The following XPO4 variants were observed in gnomAD, a reference collection of about 807,000 sequenced individuals.
The protein encoded by XPO4 is exportin-4.
In XPO4, 39 loss-of-function variants were observed where a neutral mutation model predicts 143.0. The observed-to-expected ratio is 0.27, with a 90% CI of 0.21 to 0.36. XPO4 has a LOEUF of 0.36. Ranked by LOEUF, XPO4 falls within the 10% of genes least tolerant of loss-of-function variation. The pLI is 1.00. For synonymous variants in XPO4, 439 were observed against 474.0 expected (o/e 0.93, Z 0.96); for missense variants, 907 against 1,348.0 (o/e 0.67, Z 5.12).
rs944138477 is a variant in XPO4, at chr13:20,804,458, T to C, written c.1817+2999A>G. Among the ~76,000 whole-genome samples, 19 of 135,406 alleles carry C rather than the reference T, an allele frequency of 1.4e-4. No homozygotes were observed. The East Asian group carries it at 2.9e-3, about 21-fold the overall frequency. The allele number at this position is 135,406 out of a possible 152,430, so 88.8% of individuals were successfully genotyped here. On this transcript the variant is annotated intron_variant, in intron 13 of 22. Coordinates refer to ENST00000255305, the MANE Select transcript of XPO4 (RefSeq NM_022459.5). ...AGATCCAAGAACCCTCAGGGACCCC[T>C]TTCCTATAACATTGCTGCTTATGCT... is the stretch of plus-strand genomic sequence containing the variant.
chr13:20,814,944 A>G (rs1237478539), intron 9 of XPO4, among the ~76,000 whole-genome samples: 1 of 152,260 alleles, frequency 6.6e-6, no homozygotes, highest in Non-Finnish European at 1.5e-5. Context: ...TGTTGAATAC[A>G]TAATTCCAAA....
rs2060072507 is a variant in XPO4 at position 20,850,415 on chromosome 13, T to C, written c.456+5212A>G. ...AAGTGTGAATCCAAAATCAGTGTTC[T>C]ATTATACTACACTGCCCCTAAACCT... On this transcript the variant is annotated intron_variant, in intron 4 of 22. Transcript: ENST00000255305. The C allele has an allele frequency of 3.9e-5, 11 of 279,138 alleles. No individual in the cohort carries two copies. The South Asian group carries it at 1.5e-3, about 39-fold the overall frequency. The allele number at this position is 279,138 out of a possible 1,614,324, so 17.3% of individuals were successfully genotyped here.
chr13:20,893,910 C>T (rs1384187474), intron 1 of XPO4, among the ~76,000 whole-genome samples: 1 of 152,174 alleles, frequency 6.6e-6, no homozygotes, highest in Non-Finnish European at 1.5e-5. Context: ...ATGGCATGAT[C>T]TTGGCTCACT....
intron 7 of XPO4, among the ~76,000 whole-genome samples, chr13:20,824,952 T>C (rs549881219): frequency 6.6e-6 from 1 of 152,172 alleles, no homozygotes; most frequent in Non-Finnish European, 1.5e-5. Flanking sequence ...CTGTGCTGAA[T>C]ATAGATGTAG....
chr13:20,824,979 G>A (rs143108235), intron 7 of XPO4, among the ~76,000 whole-genome samples: 58 of 152,284 alleles, frequency 3.8e-4, no homozygotes, highest in African/African-American at 1.2e-3. Flanking sequence ...TCTGGGAACC[G>A]GTGCCTGAAG....
chr13:20,867,090 T>C (rs985031922), intron 2 of XPO4, among the ~76,000 whole-genome samples: 20 of 152,250 alleles, frequency 1.3e-4, no homozygotes, highest in Non-Finnish European at 2.5e-4. Flanking sequence ...TTAAACTCTT[T>C]ATGCCGTTTA....
At chr13:20,832,472 T>A (rs1030160680) in intron 6 of XPO4, among the ~76,000 whole-genome samples, 1 of 152,188 alleles carries the variant, frequency 6.6e-6, no homozygotes, top group Non-Finnish European at 1.5e-5. Flanking sequence ...GAAAATTTCC[T>A]TTGCCTATTC....
rs781178823 is a variant in XPO4 at position 20,821,909 on chromosome 13, G to A, written c.999-31C>T. 1.1e-5 allele frequency: 17 copies of A among 1,562,440 alleles called. No individual in the cohort carries two copies. The South Asian group carries it at 2.1e-4, about 19-fold the overall frequency. On this transcript the variant is annotated intron_variant, in intron 8 of 22. Coordinates refer to ENST00000255305, the MANE Select transcript of XPO4 (RefSeq NM_022459.5). ...ACCAAGGAATGAGTATTATTAAGTG[G>A]CAGTAAAAGAAAAATTATTAATATA...
intron 13 of XPO4, among the ~76,000 whole-genome samples, chr13:20,804,223 T>C (rs887448340): frequency 1.7e-4 from 26 of 150,748 alleles, no homozygotes; most frequent in East Asian, 7.7e-4. Flanking sequence ...TATATATATA[T>C]ACACACACAC....
rs370344621 is a variant in XPO4, at chr13:20,901,343, A to T, written c.69+1327T>A. 8.7e-4 allele frequency among the ~76,000 whole-genome samples: 133 copies of T among 152,342 alleles called. 3 individuals are homozygous for T. In the South Asian group the frequency reaches 0.026, roughly 30 times the overall value. On this transcript the variant is annotated intron_variant, in intron 1 of 22. Transcript: ENST00000255305. ...CGAAGGACACTGATTTTACCTGATC[A>T]GTGTAAGAACTACAGCCGTGTTTTG...
At chr13:20,844,380 T>C (rs1308309887) in intron 4 of XPO4, among the ~76,000 whole-genome samples, 1 of 152,162 alleles carries the variant, frequency 6.6e-6, no homozygotes, top group African/African-American at 2.4e-5. Flanking sequence ...GTGTCCAAAA[T>C]ATTATAGCCA....
chr13:20,799,885 C>T (rs951018504), intron 15 of XPO4, among the ~76,000 whole-genome samples: 2 of 152,062 alleles, frequency 1.3e-5, no homozygotes, highest in Non-Finnish European at 2.9e-5. Context: ...GTTTGCAACA[C>T]GATAAATTAC....
At chr13:20,832,926 A>C (rs1467270229) in intron 6 of XPO4, among the ~76,000 whole-genome samples, 1 of 152,212 alleles carries the variant, frequency 6.6e-6, no homozygotes, top group African/African-American at 2.4e-5. Context: ...TAAAAAAAAA[A>C]AGTTTACCAA....
intron 4 of XPO4, among the ~76,000 whole-genome samples, chr13:20,853,542 T>C (rs1217957818): frequency 6.6e-6 from 1 of 152,108 alleles, no homozygotes; most frequent in Admixed American, 6.6e-5. Flanking sequence ...AAATTTAATA[T>C]GAACCCTTCT....
chr13:20,823,443 C>T (rs193072737), intron 7 of XPO4, among the ~76,000 whole-genome samples: 5 of 152,228 alleles, frequency 3.3e-5, no homozygotes, highest in Non-Finnish European at 5.9e-5. Flanking sequence ...CTAAACATTA[C>T]AAAGTTAGTT....
At chr13:20,853,718 T>C (rs547048188) in intron 4 of XPO4, among the ~76,000 whole-genome samples, 7 of 152,298 alleles carry the variant, frequency 4.6e-5, no homozygotes, top group Non-Finnish European at 7.4e-5. Context: ...AGAATGACAC[T>C]ATCCAATACG....
At chr13:20,816,523 G>C (rs2059653091) in intron 9 of XPO4, among the ~76,000 whole-genome samples, 1 of 152,156 alleles carries the variant, frequency 6.6e-6, no homozygotes, top group Non-Finnish European at 1.5e-5. Flanking sequence ...CTGGTTTCTG[G>C]AATCCCCCAA....
Position 20,783,532 on chromosome 13 carries a change from A to C in XPO4, c.*190T>G, listed in dbSNP as rs2059164796. Reference sequence around the variant, plus strand: ...ATATATATGACAGATTGTGGCTAACACTTAACAGCAGAAGCTGATGCCAAG... The same window carrying C: ...ATATATATGACAGATTGTGGCTAACCCTTAACAGCAGAAGCTGATGCCAAG... On this transcript the variant is annotated 3_prime_UTR_variant, in exon 23 of 23. Transcript: ENST00000255305. 4.2e-5 allele frequency: 26 copies of C among 611,782 alleles called. No homozygotes were observed. The South Asian group carries it at 5.0e-4, about 12-fold the overall frequency. The allele number at this position is 611,782 out of a possible 1,614,324, so 37.9% of individuals were successfully genotyped here. A position where few individuals can be genotyped will look rare whatever the true frequency, so the allele number is the denominator to read the frequency against.
At chr13:20,882,551 G>A (rs1320148593) in intron 1 of XPO4, among the ~76,000 whole-genome samples, 1 of 152,090 alleles carries the variant, frequency 6.6e-6, no homozygotes, top group Non-Finnish European at 1.5e-5. Context: ...ATTTCAATAT[G>A]AGATTTGGAG....
Sources: gnomAD v4.1 joint callset for allele counts (sites outside exome capture counted in the v4.1 genomes callset) on GRCh38, gnomAD v4.1.1 for gene constraint, MANE v1.5 for transcripts, NCBI Gene and HGNC (gene_info 2026-07-23, HGNC 2026-07-21) for gene names.